The following ELAPOR1 variants were observed in gnomAD, a reference collection of about 807,000 sequenced individuals.
ELAPOR1 encodes the protein endosome-lysosome associated apoptosis and autophagy regulator 1.
A neutral mutation model predicts 119.7 loss-of-function variants in ELAPOR1; 77 were observed. The ratio of observed to expected loss-of-function variants is 0.64; its 90% CI spans 0.54 to 0.78. The LOEUF (loss-of-function observed/expected upper bound fraction) is 0.78, where lower values mean the gene tolerates loss of function less well. ELAPOR1 is among the 30% of genes least tolerant of loss of function. The pLI, the probability that ELAPOR1 is intolerant of heterozygous loss-of-function variation, is 0.00. For missense variants in ELAPOR1, 1,115 were observed against 1,270.4 expected, an observed-to-expected ratio of 0.88 and a Z score of 1.86; for synonymous variants, 481 against 487.2, an observed-to-expected ratio of 0.99 and a Z score of 0.17.
intron 3 of ELAPOR1, among the ~76,000 whole-genome samples, chr1:109,169,480 C>G (rs1651797779): frequency 6.6e-6 from 1 of 152,172 alleles, no homozygotes; most frequent in Admixed American, 6.5e-5. Flanking sequence ...AACTCCTCAC[C>G]TCAGGTGATC....
chr1:109,125,120 C>T (rs112488273), intron 1 of ELAPOR1, among the ~76,000 whole-genome samples: 3,234 of 151,914 alleles, frequency 0.021, 43 homozygotes, highest in Non-Finnish European at 0.033. Flanking sequence ...GTAGAGATGG[C>T]ACTATACCAT....
chr1:109,196,867 A>G (rs1356428402), intron 15 of ELAPOR1, among the ~76,000 whole-genome samples: 1 of 152,080 alleles, frequency 6.6e-6, no homozygotes, highest in African/African-American at 2.4e-5. Context: ...GTTTTTAGTA[A>G]AGACGGGGTT....
intron 7 of ELAPOR1, among the ~76,000 whole-genome samples, chr1:109,184,170 G>A (rs960563624): frequency 5.1e-4 from 77 of 152,088 alleles, no homozygotes; most frequent in Non-Finnish European, 9.3e-4. Flanking sequence ...TCAGGAGTTC[G>A]AGACCAGCCT....
chr1:109,177,260 CG>C (rs1216968451), intron 7 of ELAPOR1, among the ~76,000 whole-genome samples: 6 of 143,078 alleles, frequency 4.2e-5, no homozygotes, highest in South Asian at 2.2e-4. Flanking sequence ...CCCTCCCGGA[CG>C]GGGCGGCTGC....
At chr1:109,123,783 C>CTGTA (rs1648597199) in intron 1 of ELAPOR1, among the ~76,000 whole-genome samples, 1 of 152,162 alleles carries the variant, frequency 6.6e-6, no homozygotes, top group South Asian at 2.1e-4. Flanking sequence ...TTCTAGACCT[C>CTGTA]TGTATGTATG....
intron 1 of ELAPOR1, among the ~76,000 whole-genome samples, chr1:109,156,963 G>A (rs561727046): frequency 6.6e-6 from 1 of 152,172 alleles, no homozygotes; most frequent in East Asian, 1.9e-4. Context: ...CAGAAGAAGG[G>A]GGGTGGACAC....
At chr1:109,200,454 C>T (rs1654100013) in intron 20 of ELAPOR1, among the ~76,000 whole-genome samples, 1 of 152,068 alleles carries the variant, frequency 6.6e-6, no homozygotes, top group Non-Finnish European at 1.5e-5. Flanking sequence ...CAAAGAGTAT[C>T]CTCAGTTTGC....
At chr1:109,148,389 T>G (rs1650321520) in intron 1 of ELAPOR1, among the ~76,000 whole-genome samples, 1 of 152,092 alleles carries the variant, frequency 6.6e-6, no homozygotes, top group African/African-American at 2.4e-5. Flanking sequence ...TCCGCCCACC[T>G]CAGCCTCCCA....
chr1:109,149,978 G>C (rs1026675607), intron 1 of ELAPOR1, among the ~76,000 whole-genome samples: 4 of 152,206 alleles, frequency 2.6e-5, no homozygotes, highest in Non-Finnish European at 5.9e-5. Flanking sequence ...CTGGCACATG[G>C]ATGCTTAGAG....
chr1:109,161,864 A>C, intron 1 of ELAPOR1, 30 bp from the exon 2 acceptor site: 1 of 1,591,244 alleles, frequency 6.3e-7, no homozygotes, highest in Non-Finnish European at 8.6e-7. Context: ...CTGCTAATGC[A>C]CATTTCGCCC....
chr1:109,139,542 T>C (rs2100996011), intron 1 of ELAPOR1, among the ~76,000 whole-genome samples: 1 of 152,196 alleles, frequency 6.6e-6, no homozygotes, highest in South Asian at 2.1e-4. Flanking sequence ...CATCAAAGTA[T>C]AATACATAAA....
chr1:109,153,614 A>C (rs934758049), intron 1 of ELAPOR1, among the ~76,000 whole-genome samples: 2 of 128,660 alleles, frequency 1.6e-5, no homozygotes, highest in Non-Finnish European at 3.4e-5. Context: ...GACTTGTGGC[A>C]GGTGTTTTGT....
chr1:109,180,540 T>C (rs1652629934), intron 7 of ELAPOR1, among the ~76,000 whole-genome samples: 2 of 152,050 alleles, frequency 1.3e-5, no homozygotes, highest in Non-Finnish European at 2.9e-5. Context: ...AATAATTATA[T>C]CTGCCTCATA....
intron 1 of ELAPOR1, among the ~76,000 whole-genome samples, chr1:109,139,862 C>G (rs1649718296): frequency 6.6e-6 from 1 of 152,024 alleles, no homozygotes; most frequent in African/African-American, 2.4e-5. Flanking sequence ...ACCTCTGACT[C>G]CCGGGCTCAA....
At chr1:109,132,927 G>A (rs1236025334) in intron 1 of ELAPOR1, among the ~76,000 whole-genome samples, 2 of 151,284 alleles carry the variant, frequency 1.3e-5, no homozygotes, top group Admixed American at 6.6e-5. Context: ...AAAAATTATG[G>A]CAGAAAAAAA....
chr1:109,185,277 G>C (rs1428080583), intron 8 of ELAPOR1, 144 bp downstream of exon 8: 1 of 648,134 alleles, frequency 1.5e-6, no homozygotes, highest in Non-Finnish European at 2.7e-6. Flanking sequence ...CCTAGGGCTA[G>C]GTGGGGTGGG....
At position 109,197,637 on chromosome 1, in the gene ELAPOR1, T is replaced by A. The variant is rs943561341; in HGVS notation, c.2285T>A (p.Leu762His). Residue 762 changes from leucine (L) to histidine (H), a missense_variant, in exon 16 of 22, where the codon CTT becomes CAT. By Grantham distance (99) the Leu-to-His change is moderately conservative. Transcript: ENST00000369939. ...GGGGTTTCCTCACAGCCTGTCAGCC[T>A]TGCTGATCGACTTATTGGTGAGTAA... is the stretch of plus-strand genomic sequence containing the variant. ...KAGVSSQPVS[L>H]ADRLIGVTTD... 1 of 1,613,954 alleles carries A rather than the reference T, an allele frequency of 6.2e-7. No individual in the cohort carries two copies. Among genetic ancestry groups the A allele is most frequent in the African/African-American group, 1.3e-5 (1 of 74,938 alleles).
intron 3 of ELAPOR1, among the ~76,000 whole-genome samples, chr1:109,170,819 A>G (rs927341302): frequency 6.6e-6 from 1 of 152,204 alleles, no homozygotes; most frequent in African/African-American, 2.4e-5. Flanking sequence ...GGGCTGGTTC[A>G]TAGATGGTGT....
chr1:109,146,483 A>G (rs1032890546), intron 1 of ELAPOR1, among the ~76,000 whole-genome samples: 9 of 152,112 alleles, frequency 5.9e-5, no homozygotes, highest in African/African-American at 2.2e-4. Context: ...TACTTTGCCT[A>G]TTGGTCTAAG....
Sources: allele counts gnomAD v4.1 joint callset (sites outside exome capture counted in the v4.1 genomes callset), GRCh38; gene constraint gnomAD v4.1.1; transcripts MANE v1.5; gene names NCBI Gene and HGNC (gene_info 2026-07-23, HGNC 2026-07-21).